LDLRAD4: variants seen among roughly 807,000 people sequenced by gnomAD.
LDLRAD4 encodes low density lipoprotein receptor class A domain containing 4, also known as low-density lipoprotein receptor class A domain-containing protein 4.
In LDLRAD4, 5 loss-of-function variants were observed where a neutral mutation model predicts 17.0. That is an observed-to-expected ratio of 0.29 (90% CI 0.15 to 0.62). The LOEUF (loss-of-function observed/expected upper bound fraction) is 0.62. Ranked by LOEUF, LDLRAD4 falls within the 20% of genes least tolerant of loss-of-function variation. LDLRAD4 has a pLI of 0.84. For missense variants in LDLRAD4, 340 were observed against 424.7 expected (o/e 0.80, Z 1.75); for synonymous variants, 168 against 171.8 (o/e 0.98, Z 0.17).
At chr18:13,284,711 G>T (rs2045507870) in intron 1 of LDLRAD4, among the ~76,000 whole-genome samples, 1 of 152,144 alleles carries the variant, frequency 6.6e-6, no homozygotes, top group African/African-American at 2.4e-5. Flanking sequence ...GAGTCCTCTG[G>T]TGCGGTTTGG....
chr18:13,252,691 G>T (rs1323861970), intron 1 of LDLRAD4, among the ~76,000 whole-genome samples: 1 of 152,362 alleles, frequency 6.6e-6, no homozygotes, highest in Non-Finnish European at 1.5e-5. Flanking sequence ...GATGACAAGG[G>T]TTCCTGCCAG....
intron 1 of LDLRAD4, among the ~76,000 whole-genome samples, chr18:13,337,444 G>C (rs945461611): frequency 6.6e-6 from 1 of 152,116 alleles, no homozygotes; most frequent in Non-Finnish European, 1.5e-5. Flanking sequence ...AAAATTCCAC[G>C]AAACTTTTTT....
intron 1 of LDLRAD4, among the ~76,000 whole-genome samples, chr18:13,317,899 T>G (rs1196898299): frequency 1.3e-5 from 2 of 152,034 alleles, no homozygotes; most frequent in Non-Finnish European, 2.9e-5. Flanking sequence ...GAAAAAATTT[T>G]TTATCATATG....
intron 1 of LDLRAD4, among the ~76,000 whole-genome samples, chr18:13,302,602 C>T (rs890173463): frequency 3.9e-5 from 6 of 152,128 alleles, no homozygotes; most frequent in African/African-American, 1.2e-4. Flanking sequence ...GAGTGTCCTG[C>T]ATGAAATTTA....
intron 3 of LDLRAD4, among the ~76,000 whole-genome samples, chr18:13,501,921 C>G (rs1328191079): frequency 6.6e-6 from 1 of 152,202 alleles, no homozygotes; most frequent in Non-Finnish European, 1.5e-5. Context: ...TATGTTCAAC[C>G]TAAGAAAACA....
At position 13,477,637 on chromosome 18, in the gene LDLRAD4, C is replaced by T. The variant is rs146808513; in HGVS notation, c.181+39253C>T. On this transcript the variant is annotated intron_variant, in intron 3 of 5. Transcript: ENST00000359446. ...AGGCAATTAGAGGTGTTTTCTAGAC[C>T]AAGCCCCTCTTTTCATAGCTGAGAA... Among the ~76,000 whole-genome samples, 28 of 152,274 alleles carry T rather than the reference C, an allele frequency of 1.8e-4. No homozygotes were observed. In the East Asian group the frequency reaches 3.9e-3, roughly 21 times the overall value.
intron 1 of LDLRAD4, among the ~76,000 whole-genome samples, chr18:13,308,167 C>G (rs4797758): frequency 0.97 from 148,204 of 152,252 alleles, 72,253 homozygotes; most frequent in East Asian, 1. Context: ...ATGTGCCTTA[C>G]AGATCCTTCC....
intron 3 of LDLRAD4, among the ~76,000 whole-genome samples, chr18:13,448,746 C>T (rs564088362): frequency 1.0e-3 from 158 of 152,024 alleles, no homozygotes; most frequent in African/African-American, 3.5e-3. Flanking sequence ...CCGCTAATCA[C>T]GTCTTGGTCT....
intron 3 of LDLRAD4, among the ~76,000 whole-genome samples, chr18:13,568,390 C>T (rs546607589): frequency 1.1e-3 from 165 of 152,166 alleles, no homozygotes; most frequent in African/African-American, 3.8e-3. Flanking sequence ...TTATCTCTTT[C>T]GGCCCCACTC....
At chr18:13,540,802 G>T (rs984906428) in intron 3 of LDLRAD4, among the ~76,000 whole-genome samples, 1 of 152,230 alleles carries the variant, frequency 6.6e-6, no homozygotes, top group African/African-American at 2.4e-5. Context: ...AGTGTCTGCT[G>T]ATAACAGTTA....
At chr18:13,463,585 T>G (rs1346291257) in intron 3 of LDLRAD4, among the ~76,000 whole-genome samples, 1 of 152,244 alleles carries the variant, frequency 6.6e-6, no homozygotes, top group Non-Finnish European at 1.5e-5. Flanking sequence ...ATGGCTTTAA[T>G]TTACATCATC....
chr18:13,599,537 A>T (rs1384983617), intron 3 of LDLRAD4, among the ~76,000 whole-genome samples: 2 of 129,076 alleles, frequency 1.5e-5, no homozygotes, highest in African/African-American at 6.1e-5. Flanking sequence ...GTCACCCAGG[A>T]TGGAGTGTAG....
At chr18:13,492,953 C>T (rs1382140361) in intron 3 of LDLRAD4, among the ~76,000 whole-genome samples, 1 of 151,888 alleles carries the variant, frequency 6.6e-6, no homozygotes, top group Non-Finnish European at 1.5e-5. Context: ...CCTGTCTTCA[C>T]AAAAATAAAA....
At chr18:13,379,565 G>A (rs2085184487) in intron 1 of LDLRAD4, among the ~76,000 whole-genome samples, 1 of 152,194 alleles carries the variant, frequency 6.6e-6, no homozygotes, top group African/African-American at 2.4e-5. Context: ...GCTCACTGCT[G>A]TCTCCCCAGC....
At chr18:13,312,611 A>T (rs1209899101) in intron 1 of LDLRAD4, among the ~76,000 whole-genome samples, 2 of 152,228 alleles carry the variant, frequency 1.3e-5, no homozygotes, top group East Asian at 3.9e-4. Context: ...GTATGATGAC[A>T]TGTGTCTGTA....
intron 3 of LDLRAD4, among the ~76,000 whole-genome samples, chr18:13,504,058 T>C (rs1249152547): frequency 6.6e-6 from 1 of 152,122 alleles, no homozygotes; most frequent in Admixed American, 6.5e-5. Flanking sequence ...ACCCTAGAGC[T>C]GAGGGAGAGA....
chr18:13,590,521 G>A (rs192664680), intron 3 of LDLRAD4, among the ~76,000 whole-genome samples: 1 of 152,344 alleles, frequency 6.6e-6, no homozygotes, highest in Non-Finnish European at 1.5e-5. Context: ...AGCTCCCGAA[G>A]GCCAGCTCTG....
chr18:13,633,157 C>T (rs1306431077), intron 4 of LDLRAD4, among the ~76,000 whole-genome samples: 1 of 152,268 alleles, frequency 6.6e-6, no homozygotes, highest in Non-Finnish European at 1.5e-5. Flanking sequence ...CAGTGAGTAG[C>T]TCCTATCCAC....
chr18:13,496,397 G>C (rs1278773338), intron 3 of LDLRAD4, among the ~76,000 whole-genome samples: 1 of 152,124 alleles, frequency 6.6e-6, no homozygotes, highest in Non-Finnish European at 1.5e-5. Context: ...GATTTTCAGG[G>C]GATGAGGTTT....
Sources: gnomAD v4.1 joint callset for allele counts (sites outside exome capture counted in the v4.1 genomes callset) on GRCh38, gnomAD v4.1.1 for gene constraint, MANE v1.5 for transcripts, NCBI Gene and HGNC (gene_info 2026-07-23, HGNC 2026-07-21) for gene names.